Variants in NAA60 observed in about 807,000 individuals in gnomAD.
NAA60 encodes N-alpha-acetyltransferase 60, NatF catalytic subunit, also known as N-alpha-acetyltransferase 60.
NAA60 carries 8 observed loss-of-function variants against 26.1 expected under a neutral mutation model. The observed-to-expected ratio is 0.31, with a 90% CI of 0.18 to 0.55. The LOEUF is 0.55. Among genes scored for constraint, NAA60 ranks in the 20% least tolerant of loss-of-function variants. NAA60 has a pLI of 0.93. For synonymous variants in NAA60, 131 were observed against 122.5 expected, an observed-to-expected ratio of 1.07 and a Z score of -0.46; for missense variants, 290 against 311.3, an observed-to-expected ratio of 0.93 and a Z score of 0.51.
chr16:3,448,318 A>G (rs75045974), intron 1 of NAA60, among the ~76,000 whole-genome samples, 153 bp from the exon 2 acceptor site: 6,520 of 151,374 alleles, frequency 0.043, 194 homozygotes, highest in Middle Eastern at 0.063. Flanking sequence ...TAGTTTAGAG[A>G]ACTACATGTT....
intron 1 of NAA60, among the ~76,000 whole-genome samples, chr16:3,445,155 G>C (rs1465552044): frequency 2.0e-5 from 3 of 152,118 alleles, no homozygotes; most frequent in Non-Finnish European, 4.4e-5. Context: ...CCAGTCCAAA[G>C]CATATATGTT....
chr16:3,480,896 G>A (rs2036789989), intron 4 of NAA60, among the ~76,000 whole-genome samples: 1 of 152,112 alleles, frequency 6.6e-6, no homozygotes, highest in African/African-American at 2.4e-5. Context: ...GTGACAGAGT[G>A]AGACTCTGTC....
chr16:3,474,631 G>A (rs1197368894), intron 2 of NAA60, among the ~76,000 whole-genome samples: 1 of 152,222 alleles, frequency 6.6e-6, no homozygotes, highest in Non-Finnish European at 1.5e-5. Context: ...AGTGGAGTGG[G>A]GACTGCCAGA....
intron 2 of NAA60, among the ~76,000 whole-genome samples, chr16:3,474,367 C>T (rs1314167253): frequency 6.6e-6 from 1 of 152,346 alleles, no homozygotes; most frequent in South Asian, 2.1e-4. Flanking sequence ...TGTCCTGACA[C>T]TTGGACCCCA....
intron 2 of NAA60, chr16:3,456,799 T>C (rs2035017556): frequency 6.6e-6 from 1 of 152,142 alleles, no homozygotes; most frequent in African/African-American, 2.4e-5. Context: ...CTCAAATCTT[T>C]TTTTTTTTAG....
At chr16:3,458,212 C>T (rs906130383) in intron 2 of NAA60, 61 of 966,356 alleles carry the variant, frequency 6.3e-5, no homozygotes, top group Non-Finnish European at 7.5e-5. Flanking sequence ...CGCCGGGGCT[C>T]GGACCTGCGG....
chr16:3,454,291 G>A (rs1029203870), intron 2 of NAA60, among the ~76,000 whole-genome samples: 1 of 152,198 alleles, frequency 6.6e-6, no homozygotes, highest in African/African-American at 2.4e-5. Flanking sequence ...CTACACTGCA[G>A]GAGCCTGCTG....
intron 2 of NAA60, among the ~76,000 whole-genome samples, chr16:3,475,937 G>C (rs563626922): frequency 2.0e-5 from 3 of 152,374 alleles, no homozygotes; most frequent in African/African-American, 7.2e-5. Context: ...GGGCAGCTCA[G>C]ATGGGGAGAG....
At chr16:3,453,835 G>A (rs1036858980) in intron 2 of NAA60, among the ~76,000 whole-genome samples, 2 of 151,990 alleles carry the variant, frequency 1.3e-5, no homozygotes, top group Non-Finnish European at 2.9e-5. Context: ...GTTTCAGTGG[G>A]GAAACCTGAT....
chr16:3,478,847 G>A (rs1362478539), intron 3 of NAA60, among the ~76,000 whole-genome samples: 1 of 152,130 alleles, frequency 6.6e-6, no homozygotes, highest in Non-Finnish European at 1.5e-5. Context: ...GGTGAGAAGG[G>A]CCCTAAAATC....
intron 6 of NAA60, among the ~76,000 whole-genome samples, chr16:3,484,162 A>G (rs1013975538): frequency 3.9e-5 from 6 of 152,174 alleles, no homozygotes; most frequent in African/African-American, 1.2e-4. Context: ...TGTGGCCCAA[A>G]AAAATGCTGT....
At chr16:3,464,507 A>G (rs948219910) in intron 2 of NAA60, among the ~76,000 whole-genome samples, 4 of 152,168 alleles carry the variant, frequency 2.6e-5, no homozygotes, top group Non-Finnish European at 5.9e-5. Flanking sequence ...TTTTAAACTG[A>G]GGAGCTGCTG....
intron 2 of NAA60, chr16:3,456,746 C>G (rs1018763917): frequency 6.6e-6 from 1 of 151,958 alleles, no homozygotes; most frequent in African/African-American, 2.4e-5. Context: ...GAGAAGATGG[C>G]AGAGTAGGAC....
chr16:3,462,927 T>C (rs1009579845), intron 2 of NAA60, among the ~76,000 whole-genome samples: 25 of 152,354 alleles, frequency 1.6e-4, no homozygotes, highest in African/African-American at 6.0e-4. Flanking sequence ...AATGGTTGTC[T>C]TAAAATTTCT....
chr16:3,471,297 C>G (rs534061000), intron 2 of NAA60, among the ~76,000 whole-genome samples: 8 of 152,018 alleles, frequency 5.3e-5, no homozygotes, highest in Non-Finnish European at 1.0e-4. Flanking sequence ...GTCAGGAGAT[C>G]GAGACCATCC....
intron 2 of NAA60, among the ~76,000 whole-genome samples, chr16:3,471,980 T>G (rs117543109): frequency 6.6e-6 from 1 of 152,184 alleles, no homozygotes; most frequent in Non-Finnish European, 1.5e-5. Context: ...AAAGTGTGGG[T>G]AAGTGGTTTC....
chr16:3,464,238 C>G (rs1231544416), intron 2 of NAA60, among the ~76,000 whole-genome samples: 1 of 152,120 alleles, frequency 6.6e-6, no homozygotes, highest in Non-Finnish European at 1.5e-5. Flanking sequence ...TGTTGGAACT[C>G]CTGACCTCAA....
At chr16:3,474,819 ATTATTTCTACTT>A (rs547533999) in intron 2 of NAA60, among the ~76,000 whole-genome samples, 51 of 152,324 alleles carry the variant, frequency 3.3e-4, no homozygotes, top group Admixed American at 2.2e-3. Context: ...TAATTCAGTC[ATTATTTCTACTT>A]TTATTAGCTG....
chr16:3,461,355 C>T (rs181597425), intron 2 of NAA60, among the ~76,000 whole-genome samples: 1 of 152,190 alleles, frequency 6.6e-6, no homozygotes, highest in Non-Finnish European at 1.5e-5. Flanking sequence ...TGCCCCCCTG[C>T]GGAGGTGGGC....
Sources: allele counts gnomAD v4.1 joint callset (sites outside exome capture counted in the v4.1 genomes callset), GRCh38; gene constraint gnomAD v4.1.1; transcripts MANE v1.5; gene names NCBI Gene and HGNC (gene_info 2026-07-23, HGNC 2026-07-21).